LMBRD1: variants seen among roughly 807,000 people sequenced by gnomAD.
LMBRD1 encodes LMBR1 domain containing 1.
LMBRD1 carries 64 observed loss-of-function variants against 74.8 expected under a neutral mutation model. The observed-to-expected ratio is 0.86, with a 90% CI of 0.70 to 1.05. The LOEUF (loss-of-function observed/expected upper bound fraction) is 1.05. Ranked by LOEUF, LMBRD1 falls within the 50% of genes least tolerant of loss-of-function variation. The pLI, the probability that LMBRD1 is intolerant of heterozygous loss-of-function variation, is 0.00. For missense variants in LMBRD1, 652 were observed against 645.9 expected (o/e 1.01, Z -0.10); for synonymous variants, 204 against 216.3 (o/e 0.94, Z 0.50).
At chr6:69,676,912 G>T (rs1368927717) in intron 14 of LMBRD1, among the ~76,000 whole-genome samples, 1 of 152,102 alleles carries the variant, frequency 6.6e-6, no homozygotes. Flanking sequence ...ACATCAAGAA[G>T]AAAGAACAAA....
At chr6:69,692,687 T>C (rs1453191629) in intron 14 of LMBRD1, among the ~76,000 whole-genome samples, 2 of 152,140 alleles carry the variant, frequency 1.3e-5, no homozygotes, top group Non-Finnish European at 2.9e-5. Context: ...AACTTACTCT[T>C]TTGGGTCCAC....
chr6:69,702,104 C>A, intron 9 of LMBRD1, 151 bp from the exon 10 acceptor site: 1 of 607,764 alleles, frequency 1.6e-6, no homozygotes, highest in Non-Finnish European at 3.0e-6. Context: ...CAATTCCAGG[C>A]ATTTATACCT....
intron 3 of LMBRD1, among the ~76,000 whole-genome samples, chr6:69,774,303 A>T (rs958993638): frequency 3.3e-5 from 5 of 152,148 alleles, no homozygotes; most frequent in African/African-American, 1.2e-4. Context: ...AGCCATGTGG[A>T]ACTGTGAGCC....
At chr6:69,788,257 T>G (rs1378483982) in intron 2 of LMBRD1, among the ~76,000 whole-genome samples, 1 of 152,060 alleles carries the variant, frequency 6.6e-6, no homozygotes, top group Non-Finnish European at 1.5e-5. Flanking sequence ...ACTAAAAAAA[T>G]CTCCGATTCA....
At chr6:69,676,951 C>A (rs924954916) in intron 14 of LMBRD1, among the ~76,000 whole-genome samples, 4 of 152,114 alleles carry the variant, frequency 2.6e-5, no homozygotes, top group African/African-American at 9.7e-5. Context: ...TATTAAGTTG[C>A]ACTTGTAGGG....
At position 69,776,834 on chromosome 6, in the gene LMBRD1, T is replaced by C. The variant is rs551282744; in HGVS notation, c.307+3660A>G. On this transcript the variant is annotated intron_variant, in intron 3 of 15. Transcript: ENST00000649934. ...CAAAGTAAATTAGAATCTCTCGGGA[T>C]ACAATCTACCATTCTGTATTATTTA... is the stretch of plus-strand genomic sequence containing the variant. Among the ~76,000 whole-genome samples, 5 of 152,294 alleles carry C rather than the reference T, an allele frequency of 3.3e-5. No homozygotes were observed. The East Asian group carries it at 5.8e-4, about 18-fold the overall frequency.
At chr6:69,749,596 A>G (rs1302501346) in intron 4 of LMBRD1, among the ~76,000 whole-genome samples, 188 bp from the exon 5 acceptor site, 1 of 151,840 alleles carries the variant, frequency 6.6e-6, no homozygotes, top group Admixed American at 6.6e-5. Flanking sequence ...TTTGCAAAAC[A>G]TGAGATTTTT....
intron 3 of LMBRD1, among the ~76,000 whole-genome samples, chr6:69,762,485 T>C (rs1765393032): frequency 6.6e-6 from 1 of 151,760 alleles, no homozygotes; most frequent in African/African-American, 2.4e-5. Context: ...TTACAAACTG[T>C]TTTTCCAAAA....
intron 5 of LMBRD1, chr6:69,746,975 G>A (rs1276143588): frequency 6.6e-6 from 1 of 150,994 alleles, no homozygotes; most frequent in Non-Finnish European, 1.5e-5. Context: ...CACAGTTTCT[G>A]TGTCAGACCC....
At chr6:69,760,530 T>C (rs1182512134) in intron 3 of LMBRD1, among the ~76,000 whole-genome samples, 1 of 152,206 alleles carries the variant, frequency 6.6e-6, no homozygotes, top group African/African-American at 2.4e-5. Flanking sequence ...AATAGTCTGC[T>C]AAGCATAAAA....
At chr6:69,699,292 A>C (rs1766076862) in intron 12 of LMBRD1, 100 bp from the exon 13 acceptor site, 3 of 1,059,702 alleles carry the variant, frequency 2.8e-6, no homozygotes, top group Non-Finnish European at 4.3e-6. Context: ...CAGTTCAATC[A>C]ACCATTATTT....
intron 7 of LMBRD1, among the ~76,000 whole-genome samples, chr6:69,734,460 A>G (rs562246871): frequency 2.5e-4 from 38 of 151,574 alleles, no homozygotes; most frequent in African/African-American, 9.2e-4. Context: ...AAATGGCGCA[A>G]TCTCGGCTCA....
chr6:69,730,530 T>C (rs969705545), intron 7 of LMBRD1, among the ~76,000 whole-genome samples: 3 of 152,130 alleles, frequency 2.0e-5, no homozygotes, highest in African/African-American at 7.2e-5. Context: ...CATCATATAA[T>C]TGAAGGCTAG....
intron 14 of LMBRD1, among the ~76,000 whole-genome samples, chr6:69,686,633 ACT>A (rs3070238): frequency 6.6e-6 from 1 of 151,492 alleles, no homozygotes; most frequent in South Asian, 2.1e-4. Context: ...TCTCTCTCAA[ACT>A]CTCTATCAAG....
chr6:69,780,117 CTTTTTTTTT>C (rs34490213), intron 3 of LMBRD1, among the ~76,000 whole-genome samples: 1 of 115,260 alleles, frequency 8.7e-6, no homozygotes, highest in Admixed American at 9.3e-5. Context: ...TGGGAGGGTC[CTTTTTTTTT>C]TTTTTTTTTT....
intron 9 of LMBRD1, chr6:69,705,750 A>T: frequency 8.3e-7 from 1 of 1,203,130 alleles, no homozygotes; most frequent in Non-Finnish European, 1.2e-6. Flanking sequence ...CTTTCCAGAT[A>T]TACTTAAGAG....
At chr6:69,685,340 A>G (rs181979184) in intron 14 of LMBRD1, among the ~76,000 whole-genome samples, 1 of 152,328 alleles carries the variant, frequency 6.6e-6, no homozygotes, top group Non-Finnish European at 1.5e-5. Flanking sequence ...GTAAGCGTTA[A>G]ATAGTAGTAG....
chr6:69,744,346 C>T (rs1767171158), intron 5 of LMBRD1, among the ~76,000 whole-genome samples: 1 of 152,170 alleles, frequency 6.6e-6, no homozygotes, highest in Admixed American at 6.5e-5. Context: ...TTTTACTACT[C>T]AAGGTCATCA....
At chr6:69,755,002 C>A (rs972015380) in intron 3 of LMBRD1, among the ~76,000 whole-genome samples, 2 of 152,122 alleles carry the variant, frequency 1.3e-5, no homozygotes, top group Non-Finnish European at 2.9e-5. Flanking sequence ...TTAGTTCAAC[C>A]ATTGTGGAAG....
Sources: gnomAD v4.1 joint callset for allele counts (sites outside exome capture counted in the v4.1 genomes callset) on GRCh38, gnomAD v4.1.1 for gene constraint, MANE v1.5 for transcripts, NCBI Gene and HGNC (gene_info 2026-07-23, HGNC 2026-07-21) for gene names.